The following GSG1L variants were observed in gnomAD, a reference collection of about 807,000 sequenced individuals.
GSG1L encodes GSG1 like, also known as germ cell-specific gene 1-like protein.
A neutral mutation model predicts 42.1 loss-of-function variants in GSG1L; 24 were observed. The observed-to-expected ratio is 0.57, with a 90% CI of 0.41 to 0.80. The LOEUF (loss-of-function observed/expected upper bound fraction) is 0.80, where lower values mean the gene tolerates loss of function less well. Among genes scored for constraint, GSG1L ranks in the 30% least tolerant of loss-of-function variants. GSG1L has a pLI of 0.00. For synonymous variants in GSG1L, 215 were observed against 203.5 expected (o/e 1.06, Z -0.48); for missense variants, 445 against 472.2 (o/e 0.94, Z 0.53).
chr16:27,849,025 A>G (rs1026133403), intron 3 of GSG1L, among the ~76,000 whole-genome samples: 1 of 151,992 alleles, frequency 6.6e-6, no homozygotes, highest in Non-Finnish European at 1.5e-5. Flanking sequence ...GCAAAACCCT[A>G]TCTCTACTAA....
chr16:27,913,046 C>T (rs2084410544), intron 2 of GSG1L, among the ~76,000 whole-genome samples: 1 of 151,920 alleles, frequency 6.6e-6, no homozygotes, highest in Non-Finnish European at 1.5e-5. Flanking sequence ...TGCTCTGAAA[C>T]TCCTGGGCTC....
intron 6 of GSG1L, among the ~76,000 whole-genome samples, chr16:27,802,065 TC>T (rs1380787023): frequency 3.3e-5 from 5 of 152,036 alleles, no homozygotes; most frequent in Non-Finnish European, 7.4e-5. Context: ...GCTTTCCCTT[TC>T]CTGCACCCCA....
intron 5 of GSG1L, among the ~76,000 whole-genome samples, chr16:27,813,946 A>G (rs1422641610): frequency 6.6e-6 from 1 of 152,102 alleles, no homozygotes; most frequent in African/African-American, 2.4e-5. Flanking sequence ...TGGGCATAAT[A>G]CCGGTGGTCA....
chr16:27,842,647 C>T (rs1048560725), intron 4 of GSG1L, among the ~76,000 whole-genome samples: 1 of 152,046 alleles, frequency 6.6e-6, no homozygotes, highest in African/African-American at 2.4e-5. Context: ...GCTGGCTTCC[C>T]TGGGATTGTT....
chr16:27,943,428 A>ACATAATGT (rs2084823258), intron 2 of GSG1L, among the ~76,000 whole-genome samples: 1 of 151,996 alleles, frequency 6.6e-6, no homozygotes, highest in South Asian at 2.1e-4. Context: ...TACATGATCA[A>ACATAATGT]CATAATGTCA....
At chr16:27,886,237 C>T (rs1256788362) in intron 2 of GSG1L, among the ~76,000 whole-genome samples, 4 of 152,066 alleles carry the variant, frequency 2.6e-5, no homozygotes, top group African/African-American at 9.7e-5. Flanking sequence ...GTCAGGAGTT[C>T]GAGACCAGCC....
chr16:27,890,646 CA>C (rs1410920316), intron 2 of GSG1L, among the ~76,000 whole-genome samples: 6 of 152,262 alleles, frequency 3.9e-5, no homozygotes. Context: ...GACACGTGAG[CA>C]GATGATGGCA....
chr16:27,942,767 A>T (rs1397211910), intron 2 of GSG1L, among the ~76,000 whole-genome samples: 1 of 152,236 alleles, frequency 6.6e-6, no homozygotes, highest in Non-Finnish European at 1.5e-5. Context: ...ATGAATGCCA[A>T]GTATTGTCAA....
chr16:27,995,928 A>C (rs990740603), intron 1 of GSG1L, among the ~76,000 whole-genome samples: 10 of 151,970 alleles, frequency 6.6e-5, no homozygotes, highest in Admixed American at 2.0e-4. Flanking sequence ...AGCCAGGCAC[A>C]GTGGCTCACA....
At chr16:28,003,588 G>A (rs1438998281) in intron 1 of GSG1L, among the ~76,000 whole-genome samples, 1 of 152,228 alleles carries the variant, frequency 6.6e-6, no homozygotes, top group Non-Finnish European at 1.5e-5. Context: ...TGGCCTTGCA[G>A]GAAAACGTGG....
Position 27,789,927 on chromosome 16 carries a change from T to C in GSG1L, c.*1443A>G, listed in dbSNP as rs916407477. 1.0e-4 allele frequency: 15 copies of C among 148,158 alleles called. No individual in the cohort carries two copies. The highest frequency in any genetic ancestry group is 2.1e-4 in the Non-Finnish European group (14 of 67,348). 9.2% of individuals were successfully genotyped at this position (148,158 alleles called of 1,614,324 possible). A position where few individuals can be genotyped will look rare whatever the true frequency, so the allele number is the denominator to read the frequency against. ...GATGAGTGGGTGGATAATGGATTAA[T>C]GATGATGGAGGGATGAATGAAAAAT... On this transcript the variant is annotated 3_prime_UTR_variant, in exon 7 of 7. Transcript: ENST00000447459.
At position 27,828,971 on chromosome 16, in the gene GSG1L, GGAGA is replaced by G; in HGVS notation, c.663-19_663-16del. ...CCCACGCCAGGCTGCCAAGAGATCA[GGAGA>G]GAGATGCCATCGTGAGGGTGGGCAA... On this transcript the variant is annotated splice_polypyrimidine_tract_variant and intron_variant, in intron 4 of 6. Coordinates refer to ENST00000447459, the MANE Select transcript of GSG1L (RefSeq NM_001109763.2). 1 of 1,612,292 alleles carries G rather than the reference GGAGA, an allele frequency of 6.2e-7. No individual in the cohort carries two copies. The highest frequency in any genetic ancestry group is 8.5e-7 in the Non-Finnish European group (1 of 1,178,624).
chr16:27,884,534 C>T lies in GSG1L; in HGVS notation c.502G>A (p.Asp168Asn), dbSNP rs760762186. The T allele has an allele frequency of 7.4e-6, 12 of 1,613,794 alleles. No homozygotes were observed. The highest frequency in any genetic ancestry group is 4.5e-5 in the East Asian group (2 of 44,896). Residue 168 changes from aspartate to asparagine, a missense_variant, in exon 3 of 7, where the codon GAC becomes AAC. By Grantham distance (23) the Asp-to-Asn change is conservative. Transcript: ENST00000447459. This position sits in a 1 kb window ranked among gnomAD's most constrained non-coding sequence, Gnocchi z 4.4. The part of the protein sequence containing the change: ...LELFHSSNVI[D>N]GLKLNAFAAV... ...GCGAAGGCATTGAGCTTGAGCCCGTCGATGACATTGCTGGAGTGGAAGAGC... is the reference window on the plus strand; with the variant it reads ...GCGAAGGCATTGAGCTTGAGCCCGTTGATGACATTGCTGGAGTGGAAGAGC...
intron 2 of GSG1L, among the ~76,000 whole-genome samples, chr16:27,949,059 A>T (rs1050136188): frequency 2.6e-5 from 4 of 151,880 alleles, no homozygotes; most frequent in African/African-American, 9.7e-5. Context: ...CTGGGACTAC[A>T]GGCACGTGCC....
chr16:27,810,069 G>A (rs929235561), intron 5 of GSG1L, among the ~76,000 whole-genome samples: 1 of 152,228 alleles, frequency 6.6e-6, no homozygotes, highest in East Asian at 1.9e-4. Flanking sequence ...GGAACTTCCT[G>A]AGGACCTTCT....
At chr16:27,983,386 G>A (rs1173019663) in intron 1 of GSG1L, among the ~76,000 whole-genome samples, 1 of 151,988 alleles carries the variant, frequency 6.6e-6, no homozygotes, top group Non-Finnish European at 1.5e-5. Context: ...AACTTCTACT[G>A]TTACTCCATT....
chr16:28,042,435 C>CA lies in GSG1L; in HGVS notation c.349+20640dup, dbSNP rs5816459. Among the ~76,000 whole-genome samples, 653 of 125,178 alleles carry CA rather than the reference C, an allele frequency of 5.2e-3. 6 individuals are homozygous for CA. Among genetic ancestry groups the CA allele is most frequent in the African/African-American group, 0.016 (553 of 33,548 alleles). 82.1% of individuals were successfully genotyped at this position (125,178 alleles called of 152,430 possible). On this transcript the variant is annotated intron_variant, in intron 1 of 6. Coordinates refer to ENST00000447459, the MANE Select transcript of GSG1L (RefSeq NM_001109763.2). ...TGGGCAACAGAGCGAAACTCCATCT[C>CA]AAAAAAAAAAAAAAAAAGTCATAAA...
At chr16:27,892,330 C>CTGTAGCCCCAGCTACTTGGGAGGTTG (rs1555506716) in intron 2 of GSG1L, among the ~76,000 whole-genome samples, 1 of 151,958 alleles carries the variant, frequency 6.6e-6, no homozygotes, top group Non-Finnish European at 1.5e-5. Context: ...TGGCGCGTGC[C>CTGTAGCCCCAGCTACTTGGGAGGTTG]TGTAGCCCCA....
chr16:27,857,964 C>G (rs116596378), intron 3 of GSG1L, among the ~76,000 whole-genome samples: 128 of 152,288 alleles, frequency 8.4e-4, no homozygotes, highest in Middle Eastern at 3.4e-3. Context: ...GCTCACCCCC[C>G]ACCAGCTCAG....
Sources: gnomAD v4.1 joint callset for allele counts (sites outside exome capture counted in the v4.1 genomes callset) on GRCh38, gnomAD v4.1.1 for gene constraint, Gnocchi (gnomAD v3.1) non-coding constraint, MANE v1.5 for transcripts, NCBI Gene and HGNC (gene_info 2026-07-23, HGNC 2026-07-21) for gene names.